Variants in PTK2 observed in about 807,000 individuals in gnomAD.
PTK2 encodes the protein focal adhesion kinase 1.
PTK2 carries 45 observed loss-of-function variants against 150.1 expected under a neutral mutation model. That is an observed-to-expected ratio of 0.30 (90% CI 0.24 to 0.38). The LOEUF (loss-of-function observed/expected upper bound fraction) is 0.38, where lower values mean the gene tolerates loss of function less well. PTK2 is among the 10% of genes least tolerant of loss of function. The probability of loss-of-function intolerance (pLI) is 1.00; values close to 1 mark genes in which losing one functional copy is unlikely to be tolerated. For missense variants in PTK2, 919 were observed against 1,307.3 expected (o/e 0.70, Z 4.58); for synonymous variants, 432 against 449.2 (o/e 0.96, Z 0.48).
intron 14 of PTK2, among the ~76,000 whole-genome samples, chr8:140,767,455 T>C (rs1278578795): frequency 6.6e-6 from 1 of 151,962 alleles, no homozygotes; most frequent in Non-Finnish European, 1.5e-5. Flanking sequence ...ATGAGTTTCA[T>C]ATGTATGGTA....
intron 1 of PTK2, among the ~76,000 whole-genome samples, chr8:140,988,458 G>A (rs1002849521): frequency 1.6e-4 from 24 of 152,278 alleles, no homozygotes; most frequent in Non-Finnish European, 3.4e-4. Flanking sequence ...GGCTGGGCAT[G>A]GTGGCTCATG....
intron 1 of PTK2, among the ~76,000 whole-genome samples, chr8:140,951,426 T>TTACACATA: frequency 6.6e-6 from 1 of 152,258 alleles, no homozygotes; most frequent in East Asian, 1.9e-4. Context: ...ATTCAATGGA[T>TTACACATA]TGGAAGCCAG....
At chr8:140,845,673 C>G (rs2100124982) in intron 7 of PTK2, among the ~76,000 whole-genome samples, 2 of 151,970 alleles carry the variant, frequency 1.3e-5, no homozygotes, top group Admixed American at 1.3e-4. Flanking sequence ...GTTTTATTTC[C>G]GAATCTCTGG....
intron 1 of PTK2, among the ~76,000 whole-genome samples, chr8:140,980,995 C>T (rs1361243280): frequency 1.4e-5 from 2 of 147,772 alleles, no homozygotes; most frequent in African/African-American, 2.5e-5. Context: ...CTCTTCACCT[C>T]GTGATCCGCC....
chr8:140,769,669 G>T, intron 14 of PTK2, 77 bp from the exon 16 acceptor site: 1 of 975,032 alleles, frequency 1.0e-6, no homozygotes, highest in South Asian at 1.4e-5. Context: ...GAAGAGGGAA[G>T]AGAGGGGAAA....
intron 17 of PTK2, among the ~76,000 whole-genome samples, chr8:140,747,674 AGAAG>A (rs1180106671): frequency 2.0e-4 from 13 of 66,182 alleles, no homozygotes; most frequent in Non-Finnish European, 2.9e-4. Context: ...GAGGAAGGGG[AGAAG>A]GAAGGGGAGG....
chr8:140,755,976 T>C (rs1272728709), intron 16 of PTK2, among the ~76,000 whole-genome samples: 1 of 152,148 alleles, frequency 6.6e-6, no homozygotes, highest in Admixed American at 6.5e-5. Context: ...CTTTGCACTA[T>C]AAAATTAGAC....
At chr8:140,742,404 A>G (rs924850425) in intron 20 of PTK2, among the ~76,000 whole-genome samples, 1 of 152,062 alleles carries the variant, frequency 6.6e-6, no homozygotes, top group African/African-American at 2.4e-5. Context: ...CAGACGTGCA[A>G]CTCCTGGGTC....
At chr8:140,823,896 C>T (rs1416793124) in intron 8 of PTK2, among the ~76,000 whole-genome samples, 1 of 152,218 alleles carries the variant, frequency 6.6e-6, no homozygotes, top group African/African-American at 2.4e-5. Flanking sequence ...TTAGACTTTA[C>T]GCCCGTAACA....
chr8:140,664,284 G>A (rs2086171264), intron 31 of PTK2, among the ~76,000 whole-genome samples: 1 of 152,030 alleles, frequency 6.6e-6, no homozygotes, highest in South Asian at 2.1e-4. Context: ...GCCTGGCCTG[G>A]AATTTTTTAA....
chr8:140,979,978 T>C (rs1337612485), intron 1 of PTK2, among the ~76,000 whole-genome samples: 1 of 152,262 alleles, frequency 6.6e-6, no homozygotes, highest in African/African-American at 2.4e-5. Context: ...GGAGTCATTA[T>C]ATTAGTGGTG....
chr8:140,803,005 CTTTTTTTTTTTTTT>C (rs778981723), intron 11 of PTK2, among the ~76,000 whole-genome samples: 10 of 77,348 alleles, frequency 1.3e-4, no homozygotes, highest in Non-Finnish European at 1.9e-4. Context: ...TGATGACAAT[CTTTTTTTTTTTTTT>C]TTTTTTTTTT....
At chr8:140,716,753 G>C (rs2100039921) in intron 23 of PTK2, among the ~76,000 whole-genome samples, 1 of 152,098 alleles carries the variant, frequency 6.6e-6, no homozygotes, top group Admixed American at 6.6e-5. Flanking sequence ...TTTTTAACTA[G>C]TCAAATATCA....
chr8:140,949,183 T>C (rs981727892), intron 1 of PTK2, among the ~76,000 whole-genome samples: 4 of 152,220 alleles, frequency 2.6e-5, no homozygotes, highest in African/African-American at 9.7e-5. Flanking sequence ...TAATATTTTT[T>C]CTCTAGTTTA....
chr8:140,908,212 C>T (rs1196219461), intron 2 of PTK2, among the ~76,000 whole-genome samples: 1 of 152,214 alleles, frequency 6.6e-6, no homozygotes, highest in Non-Finnish European at 1.5e-5. Context: ...CCAGTCACAA[C>T]ATTCCCTTAA....
At chr8:140,976,731 T>TA (rs1432026646) in intron 1 of PTK2, among the ~76,000 whole-genome samples, 2 of 152,200 alleles carry the variant, frequency 1.3e-5, no homozygotes, top group Non-Finnish European at 2.9e-5. Context: ...GAAACTCTAT[T>TA]AACTTTTTAA....
chr8:140,955,931 A>G (rs1184817876), intron 1 of PTK2, among the ~76,000 whole-genome samples: 2 of 152,200 alleles, frequency 1.3e-5, no homozygotes, highest in Non-Finnish European at 2.9e-5. Flanking sequence ...GGACTCCCCA[A>G]CCATGACAGA....
chr8:140,683,372 C>T (rs1036033143), intron 27 of PTK2, among the ~76,000 whole-genome samples: 1 of 152,132 alleles, frequency 6.6e-6, no homozygotes, highest in Non-Finnish European at 1.5e-5. Context: ...AGCCTATCAA[C>T]CACCAAAAGC....
At position 140,916,259 on chromosome 8, in the gene PTK2, C is replaced by T. The variant is rs143220458; in HGVS notation, c.-33+9402G>A. Among the ~76,000 whole-genome samples, 686 of 152,298 alleles carry T rather than the reference C, an allele frequency of 4.5e-3. 3 individuals are homozygous for T. The highest frequency in any genetic ancestry group is 6.1e-3 in the Non-Finnish European group (418 of 68,020). On this transcript the variant is annotated intron_variant, in intron 2 of 31. Coordinates refer to ENST00000522684, the Ensembl canonical transcript of PTK2. ...TTAAGGAATGTGGATTAGGATAGAT[C>T]GGCAAACTGTGGCTTGTTTCTAGTG... is the stretch of plus-strand genomic sequence containing the variant.
Sources: allele counts gnomAD v4.1 joint callset (sites outside exome capture counted in the v4.1 genomes callset), GRCh38; gene constraint gnomAD v4.1.1; transcripts MANE v1.5; gene names NCBI Gene and HGNC (gene_info 2026-07-23, HGNC 2026-07-21).